Variants in NRP2 observed in about 807,000 individuals in gnomAD.
The protein encoded by NRP2 is neuropilin 2, also known as neuropilin-2.
Under a neutral mutation model 110.4 loss-of-function variants are expected in NRP2, and 52 were observed. The ratio of observed to expected loss-of-function variants is 0.47; its 90% CI spans 0.38 to 0.59. The LOEUF (loss-of-function observed/expected upper bound fraction) is 0.59, where lower values mean the gene tolerates loss of function less well. Among genes scored for constraint, NRP2 ranks in the 20% least tolerant of loss-of-function variants. NRP2 has a pLI of 0.00. For missense variants in NRP2, 1,049 were observed against 1,203.0 expected (o/e 0.87, Z 1.89); for synonymous variants, 508 against 468.9 (o/e 1.08, Z -1.08).
intron 9 of NRP2, 60 bp downstream of exon 9, chr2:205,743,612 C>G (rs759619361): frequency 5.0e-6 from 8 of 1,590,660 alleles, no homozygotes; most frequent in Non-Finnish European, 6.9e-6. Context: ...AAGTGTGGTA[C>G]AGGGAGTTGA....
At chr2:205,757,463 A>T (rs2057752186) in intron 12 of NRP2, among the ~76,000 whole-genome samples, 1 of 152,038 alleles carries the variant, frequency 6.6e-6, no homozygotes, top group Non-Finnish European at 1.5e-5. Context: ...TGAAGTGTGG[A>T]TGGGTATGGT....
At chr2:205,718,858 C>T (rs1481179869) in intron 3 of NRP2, among the ~76,000 whole-genome samples, 1 of 151,354 alleles carries the variant, frequency 6.6e-6, no homozygotes, top group Non-Finnish European at 1.5e-5. Context: ...AGGAGAATCA[C>T]TTGAACCCAG....
intron 1 of NRP2, 99 bp from the exon 2 acceptor site, chr2:205,697,445 G>A: frequency 2.7e-6 from 3 of 1,125,952 alleles, no homozygotes; most frequent in Non-Finnish European, 4.1e-6. Context: ...CTGTAAAATA[G>A]TTTTAATCAG....
At chr2:205,776,710 G>T in intron 15 of NRP2, 1 of 1,488,946 alleles carries the variant, frequency 6.7e-7, no homozygotes, top group Non-Finnish European at 8.9e-7. Context: ...TTGGTTTCTG[G>T]TTTTTCTTTT....
rs1034489215 is a variant in NRP2, at chr2:205,765,910, T to C, written c.2404+340T>C. Among the ~76,000 whole-genome samples, 7 of 152,226 alleles carry C rather than the reference T, an allele frequency of 4.6e-5. No homozygotes were observed. The South Asian group carries it at 8.3e-4, about 18-fold the overall frequency. On this transcript the variant is annotated intron_variant, in intron 14 of 16. Coordinates refer to ENST00000357785, the MANE Select transcript of NRP2 (RefSeq NM_003872.3). ...AGAGCAACTGCCAGTCAAAATTATA[T>C]GCTGGAAAGGTTTGATGGATTTAAT...
At chr2:205,720,305 A>G (rs1425025621) in intron 3 of NRP2, among the ~76,000 whole-genome samples, 3 of 143,256 alleles carry the variant, frequency 2.1e-5, no homozygotes, top group East Asian at 4.0e-4. Context: ...CTAAGGTTGA[A>G]GTTTCTTTTC....
At chr2:205,746,993 C>G (rs1575620054) in intron 10 of NRP2, among the ~76,000 whole-genome samples, 1 of 152,144 alleles carries the variant, frequency 6.6e-6, no homozygotes, top group Admixed American at 6.5e-5. Context: ...GGGGATGAGG[C>G]CAAAGTTCCC....
intron 10 of NRP2, among the ~76,000 whole-genome samples, chr2:205,747,274 G>A (rs1375330849): frequency 1.3e-5 from 2 of 152,226 alleles, no homozygotes; most frequent in African/African-American, 2.4e-5. Flanking sequence ...TCTGGAGACA[G>A]ATTGCCAAGT....
chr2:205,791,012 G>A (rs747000794), intron 15 of NRP2, among the ~76,000 whole-genome samples: 1 of 152,214 alleles, frequency 6.6e-6, no homozygotes, highest in Non-Finnish European at 1.5e-5. Flanking sequence ...GGCCAGAAAT[G>A]AGAAAGACTT....
At chr2:205,742,398 G>C (rs1201028188) in intron 8 of NRP2, among the ~76,000 whole-genome samples, 3 of 152,224 alleles carry the variant, frequency 2.0e-5, no homozygotes, top group Non-Finnish European at 4.4e-5. Flanking sequence ...ATAAACAAAT[G>C]CAAGTACTGG....
At chr2:205,700,558 T>C (rs1176038630) in intron 2 of NRP2, 12 of 337,836 alleles carry the variant, frequency 3.6e-5, no homozygotes, top group Non-Finnish European at 4.8e-5. Flanking sequence ...GGCCCTGATA[T>C]GAAAGAATTT....
At chr2:205,777,201 C>A (rs2058113786) in intron 15 of NRP2, 2 of 961,226 alleles carry the variant, frequency 2.1e-6, no homozygotes, top group East Asian at 1.1e-4. Flanking sequence ...TCTCCAGGTA[C>A]CTAAAGAAAT....
chr2:205,718,803 A>C (rs2056953601), intron 3 of NRP2, among the ~76,000 whole-genome samples: 1 of 152,072 alleles, frequency 6.6e-6, no homozygotes, highest in Non-Finnish European at 1.5e-5. Context: ...TTAGCCGGGC[A>C]TGGTGGCACG....
rs1271938621 is a variant in NRP2, at chr2:205,706,849, A to C, written c.251+9128A>C. On this transcript the variant is annotated intron_variant, in intron 2 of 16. Coordinates refer to ENST00000357785, the MANE Select transcript of NRP2 (RefSeq NM_003872.3). ...GTGGCTCTTGAAGCTCATCCCCGGCACTGATGCCTCCTCCCACACTGCCAG... is the reference window on the plus strand; with the variant it reads ...GTGGCTCTTGAAGCTCATCCCCGGCCCTGATGCCTCCTCCCACACTGCCAG... 3.9e-5 allele frequency among the ~76,000 whole-genome samples: 6 copies of C among 152,096 alleles called. No individual in the cohort carries two copies. The East Asian group carries it at 1.2e-3, about 29-fold the overall frequency.
intron 2 of NRP2, among the ~76,000 whole-genome samples, chr2:205,713,115 T>C (rs1296449234): frequency 6.6e-6 from 1 of 152,122 alleles, no homozygotes; most frequent in Non-Finnish European, 1.5e-5. Context: ...AACAGTGGCA[T>C]TTGTTGGGCA....
chr2:205,783,815 C>G (rs2058204747), intron 15 of NRP2, among the ~76,000 whole-genome samples: 2 of 152,198 alleles, frequency 1.3e-5, no homozygotes, highest in South Asian at 4.1e-4. Flanking sequence ...AGAAAAGTGT[C>G]ATAACAAAGT....
chr2:205,779,086 T>C (rs2058143087), intron 15 of NRP2: 2 of 152,252 alleles, frequency 1.3e-5, no homozygotes, highest in African/African-American at 2.4e-5. Context: ...AATGCATGCA[T>C]GCATGTGTTT....
intron 15 of NRP2, chr2:205,779,138 A>G (rs1338958144): frequency 8.5e-5 from 13 of 152,254 alleles, no homozygotes; most frequent in Admixed American, 5.9e-4. Flanking sequence ...AGCAACTATT[A>G]AAATATGAAT....
chr2:205,772,861 A>C (rs936930096), intron 15 of NRP2, among the ~76,000 whole-genome samples: 1 of 152,198 alleles, frequency 6.6e-6, no homozygotes, highest in Non-Finnish European at 1.5e-5. Context: ...ACCTTTTTCT[A>C]ATTTCCCATA....
Sources: allele counts gnomAD v4.1 joint callset (sites outside exome capture counted in the v4.1 genomes callset), GRCh38; gene constraint gnomAD v4.1.1; transcripts MANE v1.5; gene names NCBI Gene and HGNC (gene_info 2026-07-23, HGNC 2026-07-21).